CSMD3: variants seen among roughly 807,000 people sequenced by gnomAD.
CSMD3 encodes the protein CUB and Sushi multiple domains 3.
Under a neutral mutation model 435.2 loss-of-function variants are expected in CSMD3, and 177 were observed. The ratio of observed to expected loss-of-function variants is 0.41; its 90% CI spans 0.36 to 0.46. CSMD3 has a LOEUF of 0.46. CSMD3 is among the 20% of genes least tolerant of loss of function. CSMD3 has a pLI of 0.34. For synonymous variants in CSMD3, 1,656 were observed against 1,520.5 expected (o/e 1.09, Z -2.07); for missense variants, 4,265 against 4,504.6 (o/e 0.95, Z 1.52).
chr8:113,110,400 T>G (rs72685838), intron 4 of CSMD3, among the ~76,000 whole-genome samples: 14,605 of 152,206 alleles, frequency 0.096, 1,059 homozygotes, highest in African/African-American at 0.19. Context: ...GCAAATATCC[T>G]ACATCATTAA....
chr8:112,304,051 A>G (rs1821177243), intron 52 of CSMD3, among the ~76,000 whole-genome samples: 1 of 152,254 alleles, frequency 6.6e-6, no homozygotes, highest in Non-Finnish European at 1.5e-5. Context: ...TGTATATTAG[A>G]TACTGGCCAT....
intron 31 of CSMD3, among the ~76,000 whole-genome samples, chr8:112,481,131 T>C (rs1256287664): frequency 6.6e-6 from 1 of 152,094 alleles, no homozygotes; most frequent in Non-Finnish European, 1.5e-5. Context: ...TATCCAATCA[T>C]CCACTGAAAA....
chr8:112,236,741 T>C (rs1206190042), intron 67 of CSMD3, among the ~76,000 whole-genome samples: 3 of 152,182 alleles, frequency 2.0e-5, no homozygotes, highest in Admixed American at 1.3e-4. Flanking sequence ...GGTTCCCTTA[T>C]GCCTATTTAA....
chr8:113,247,919 GA>G (rs2093292661), intron 3 of CSMD3, among the ~76,000 whole-genome samples: 1 of 151,922 alleles, frequency 6.6e-6, no homozygotes, highest in Non-Finnish European at 1.5e-5. Context: ...CAAATGACTG[GA>G]GTTTTCGTGA....
At chr8:113,324,674 C>A (rs963277647) in intron 1 of CSMD3, among the ~76,000 whole-genome samples, 1 of 152,162 alleles carries the variant, frequency 6.6e-6, no homozygotes, top group Admixed American at 6.5e-5. Flanking sequence ...CCCCACACAG[C>A]GCTCCTACTG....
intron 2 of CSMD3, among the ~76,000 whole-genome samples, chr8:113,308,245 A>T (rs1262799941): frequency 6.8e-6 from 1 of 147,602 alleles, no homozygotes; most frequent in Admixed American, 6.8e-5. Flanking sequence ...AATATCCAGT[A>T]AATCATTTAA....
intron 4 of CSMD3, among the ~76,000 whole-genome samples, chr8:113,107,560 C>T (rs2090516946): frequency 6.6e-6 from 1 of 152,230 alleles, no homozygotes; most frequent in African/African-American, 2.4e-5. Context: ...ACACAGGTTT[C>T]ACATCCCATA....
At chr8:113,299,036 G>T (rs2132572111) in intron 2 of CSMD3, among the ~76,000 whole-genome samples, 1 of 152,188 alleles carries the variant, frequency 6.6e-6, no homozygotes, top group African/African-American at 2.4e-5. Context: ...TTCTGGTAAA[G>T]AACTCACATG....
intron 9 of CSMD3, among the ~76,000 whole-genome samples, chr8:112,932,873 C>T (rs1290574860): frequency 6.6e-6 from 1 of 152,048 alleles, no homozygotes; most frequent in Admixed American, 6.6e-5. Context: ...GGTAAATGTT[C>T]AAGGTGATGG....
At chr8:112,236,807 T>C (rs1429445553) in intron 67 of CSMD3, among the ~76,000 whole-genome samples, 4 of 152,260 alleles carry the variant, frequency 2.6e-5, no homozygotes, top group Middle Eastern at 6.8e-3. Context: ...TCTATAAACA[T>C]GGTCATTTGA....
chr8:112,666,142 CAGAT>C (rs2075519071), intron 17 of CSMD3, 131 bp downstream of exon 17: 2 of 745,250 alleles, frequency 2.7e-6, no homozygotes, highest in East Asian at 2.7e-5. Flanking sequence ...AGGGGGCAAA[CAGAT>C]GGAAGCATTC....
chr8:112,522,619 T>G (rs186341012), intron 27 of CSMD3, among the ~76,000 whole-genome samples: 4 of 152,052 alleles, frequency 2.6e-5, no homozygotes, highest in South Asian at 4.1e-4. Flanking sequence ...TTTCAGTGTA[T>G]GCTGAAGGTT....
chr8:113,184,800 G>A (rs1360589764), intron 3 of CSMD3, among the ~76,000 whole-genome samples: 2 of 152,064 alleles, frequency 1.3e-5, no homozygotes, highest in Non-Finnish European at 2.9e-5. Context: ...TCAGACATCT[G>A]GCATAATTCA....
At chr8:112,837,670 C>G (rs1003589085) in intron 11 of CSMD3, among the ~76,000 whole-genome samples, 4 of 151,752 alleles carry the variant, frequency 2.6e-5, no homozygotes, top group African/African-American at 9.6e-5. Context: ...CACAATGGAT[C>G]TTGAGGATGA....
chr8:112,757,701 G>A (rs980887949), intron 13 of CSMD3, among the ~76,000 whole-genome samples: 1 of 152,066 alleles, frequency 6.6e-6, no homozygotes, highest in South Asian at 2.1e-4. Context: ...CATACCAGAC[G>A]AGACCAGAAG....
intron 4 of CSMD3, among the ~76,000 whole-genome samples, chr8:113,143,652 T>C (rs1388033229): frequency 6.6e-6 from 1 of 151,322 alleles, no homozygotes; most frequent in Admixed American, 6.6e-5. Flanking sequence ...CATGCAAAAA[T>C]TTGCATGCAT....
chr8:113,116,782 C>A (rs1001827208), intron 4 of CSMD3, among the ~76,000 whole-genome samples: 6 of 152,086 alleles, frequency 3.9e-5, no homozygotes, highest in Non-Finnish European at 8.8e-5. Context: ...GTGATATGCA[C>A]AATGAAGTCC....
At chr8:112,824,009 A>C (rs944242296) in intron 12 of CSMD3, among the ~76,000 whole-genome samples, 1 of 152,178 alleles carries the variant, frequency 6.6e-6, no homozygotes, top group South Asian at 2.1e-4. Context: ...GTGCTCCTGT[A>C]TCAGGTGCAT....
chr8:113,302,283 A>T (rs1380438396), intron 2 of CSMD3, among the ~76,000 whole-genome samples: 1 of 10,120 alleles, frequency 9.9e-5, no homozygotes, highest in Non-Finnish European at 1.3e-4. Flanking sequence ...TATAATTATA[A>T]TATATAATAT....
Sources: gnomAD v4.1 joint callset for allele counts (sites outside exome capture counted in the v4.1 genomes callset) on GRCh38, gnomAD v4.1.1 for gene constraint, MANE v1.5 for transcripts, NCBI Gene and HGNC (gene_info 2026-07-23, HGNC 2026-07-21) for gene names.